Variants in MRTFA observed in about 807,000 individuals in gnomAD.
MRTFA encodes myocardin-related transcription factor A.
In MRTFA, 20 loss-of-function variants were observed where a neutral mutation model predicts 83.5. The observed-to-expected ratio is 0.24, with a 90% CI of 0.17 to 0.35. The LOEUF (loss-of-function observed/expected upper bound fraction) is 0.35. MRTFA is among the 10% of genes least tolerant of loss of function. The pLI is 1.00. For missense variants in MRTFA, 1,200 were observed against 1,224.7 expected (o/e 0.98, Z 0.30); for synonymous variants, 659 against 541.2 (o/e 1.22, Z -3.02).
At chr22:40,521,671 G>A (rs2054869321) in intron 3 of MRTFA, 1 of 151,932 alleles carries the variant, frequency 6.6e-6, no homozygotes, top group African/African-American at 2.4e-5. Context: ...GCCAATTTTT[G>A]TATTTTAGTA....
chr22:40,455,382 C>T (rs1193758125), intron 4 of MRTFA, among the ~76,000 whole-genome samples: 1 of 151,804 alleles, frequency 6.6e-6, no homozygotes, highest in African/African-American at 2.4e-5. Context: ...TGCGGTGGCT[C>T]ACACCTGTAA....
Position 40,411,177 on chromosome 22 carries a change from G to C in MRTFA, c.*213C>G, listed in dbSNP as rs1408759615. The stretch of plus-strand genomic sequence containing the variant: ...GTCCAAAACCCCAGCGTGAGAGCCA[G>C]GGCTGCTTCTTGACAGCTGCTCTCC... On this transcript the variant is annotated 3_prime_UTR_variant, in exon 15 of 15. Coordinates refer to ENST00000355630, the MANE Select transcript of MRTFA (RefSeq NM_020831.6). The C allele has an allele frequency of 1.3e-5, 6 of 460,336 alleles. No homozygotes were observed. In the Admixed American group the frequency reaches 2.3e-4, roughly 17 times the overall value. 28.5% of individuals were successfully genotyped at this position (460,336 alleles called of 1,614,324 possible).
intron 3 of MRTFA, among the ~76,000 whole-genome samples, chr22:40,470,288 CATAAT>C (rs1196792495): frequency 1.3e-5 from 1 of 77,312 alleles, no homozygotes; most frequent in Non-Finnish European, 2.4e-5. Flanking sequence ...TATAAAGAAA[CATAAT>C]AAAGAGCAAA....
chr22:40,500,350 T>TA (rs1456145254), intron 3 of MRTFA, among the ~76,000 whole-genome samples: 3 of 126,320 alleles, frequency 2.4e-5, no homozygotes, highest in East Asian at 3.4e-4. Context: ...TTTTTTTTAT[T>TA]TTTTTTTTAA....
intron 3 of MRTFA, among the ~76,000 whole-genome samples, chr22:40,469,629 T>C (rs1006778559): frequency 6.6e-6 from 1 of 152,108 alleles, no homozygotes; most frequent in Non-Finnish European, 1.5e-5. Flanking sequence ...TTAACAAACA[T>C]ATAGAACACT....
intron 3 of MRTFA, among the ~76,000 whole-genome samples, chr22:40,509,892 G>A (rs2054638320): frequency 6.8e-6 from 1 of 147,876 alleles, no homozygotes; most frequent in African/African-American, 2.5e-5. Context: ...AATGACGCAG[G>A]CTCCCTCAGA....
chr22:40,622,073 G>A (rs1030904329), intron 1 of MRTFA, among the ~76,000 whole-genome samples: 1 of 152,180 alleles, frequency 6.6e-6, no homozygotes, highest in Admixed American at 6.5e-5. Flanking sequence ...GCAGAGAAGA[G>A]ACTATGATAG....
At chr22:40,635,146 G>A (rs1344025724) in intron 1 of MRTFA, among the ~76,000 whole-genome samples, 1 of 152,110 alleles carries the variant, frequency 6.6e-6, no homozygotes, top group Non-Finnish European at 1.5e-5. Flanking sequence ...AAATGCAAAC[G>A]ACATTAAGCA....
chr22:40,528,508 C>T (rs979225465), intron 3 of MRTFA, among the ~76,000 whole-genome samples: 2 of 151,918 alleles, frequency 1.3e-5, no homozygotes, highest in Admixed American at 6.6e-5. Context: ...GAGGCAGAGG[C>T]GGGCGGATCA....
At chr22:40,584,424 C>A (rs538875586) in intron 2 of MRTFA, among the ~76,000 whole-genome samples, 1 of 152,276 alleles carries the variant, frequency 6.6e-6, no homozygotes, top group Non-Finnish European at 1.5e-5. Context: ...TGGCTCAGCA[C>A]GTTATCTTGT....
At chr22:40,471,317 C>T (rs993256879) in intron 3 of MRTFA, among the ~76,000 whole-genome samples, 3 of 150,312 alleles carry the variant, frequency 2.0e-5, no homozygotes, top group Non-Finnish European at 4.4e-5. Context: ...GCAAGAGAAT[C>T]GCTTGAACCT....
chr22:40,574,617 T>C (rs2055843153), intron 2 of MRTFA, among the ~76,000 whole-genome samples: 1 of 151,684 alleles, frequency 6.6e-6, no homozygotes, highest in South Asian at 2.1e-4. Context: ...TACTTTTTGG[T>C]AGAGACGGGG....
intron 4 of MRTFA, among the ~76,000 whole-genome samples, chr22:40,451,011 T>C (rs2053476553): frequency 6.6e-6 from 1 of 152,186 alleles, no homozygotes; most frequent in East Asian, 1.9e-4. Flanking sequence ...ACTGCTGCAC[T>C]GGGTAATTAT....
At chr22:40,450,771 A>C (rs931468578) in intron 4 of MRTFA, among the ~76,000 whole-genome samples, 2 of 152,132 alleles carry the variant, frequency 1.3e-5, no homozygotes, top group Admixed American at 6.5e-5. Context: ...TCAATTTTCA[A>C]AGATTTTTTA....
intron 1 of MRTFA, among the ~76,000 whole-genome samples, chr22:40,621,960 T>C (rs898033121): frequency 7.2e-5 from 11 of 152,030 alleles, no homozygotes; most frequent in African/African-American, 2.2e-4. Context: ...AACTTCAGAG[T>C]TGGTGACAGA....
chr22:40,413,742 C>G (rs745305727), intron 14 of MRTFA, among the ~76,000 whole-genome samples: 29 of 152,058 alleles, frequency 1.9e-4, no homozygotes, highest in Non-Finnish European at 3.5e-4. Context: ...CACGCCCAGC[C>G]GATTTATCAC....
At chr22:40,482,451 TCAA>T (rs1258041373) in intron 3 of MRTFA, among the ~76,000 whole-genome samples, 1 of 152,164 alleles carries the variant, frequency 6.6e-6, no homozygotes, top group African/African-American at 2.4e-5. Flanking sequence ...GCCAATTACT[TCAA>T]TGTCATCAGT....
chr22:40,417,484 G>T lies in MRTFA; in HGVS notation c.2374C>A (p.Gln792Lys). The stretch of plus-strand genomic sequence containing the variant: ...GGGGCAGGCGCTGGAGAGCCAGGCT[G>T]GGACGAGGGCTGGACAGGAGAGCAG... The change falls in exon 13 of 15, where the codon CAG (glutamine) becomes AAG (lysine). Residue 792 changes from glutamine (Q) to lysine (K), a missense_variant. By Grantham distance (53) the Gln-to-Lys change is moderately conservative (BLOSUM62 1). Coordinates refer to ENST00000355630, the MANE Select transcript of MRTFA (RefSeq NM_020831.6). The T allele has an allele frequency of 6.3e-7, 1 of 1,583,368 alleles. No homozygotes were observed.
chr22:40,428,278 G>A (rs760068437), intron 7 of MRTFA, among the ~76,000 whole-genome samples: 5 of 152,162 alleles, frequency 3.3e-5, no homozygotes, highest in Non-Finnish European at 7.4e-5. Context: ...GGGATCAGAC[G>A]CTATCTGCAG....
Sources: allele counts gnomAD v4.1 joint callset (sites outside exome capture counted in the v4.1 genomes callset), GRCh38; gene constraint gnomAD v4.1.1; transcripts MANE v1.5; gene names NCBI Gene and HGNC (gene_info 2026-07-23, HGNC 2026-07-21).